Variants in SORCS3 observed in about 807,000 individuals in gnomAD.
SORCS3 encodes the protein VPS10 domain-containing receptor SorCS3.
Under a neutral mutation model 146.3 loss-of-function variants are expected in SORCS3, and 57 were observed. The observed-to-expected ratio is 0.39, with a 90% CI of 0.31 to 0.49. SORCS3 has a LOEUF of 0.49. Among genes scored for constraint, SORCS3 ranks in the 20% least tolerant of loss-of-function variants. SORCS3 has a pLI of 0.92. For synonymous variants in SORCS3, 653 were observed against 618.5 expected, an observed-to-expected ratio of 1.06 and a Z score of -0.83; for missense variants, 1,341 against 1,575.5, an observed-to-expected ratio of 0.85 and a Z score of 2.52.
chr10:104,653,926 A>G (rs533393363), intron 1 of SORCS3, among the ~76,000 whole-genome samples: 117 of 152,216 alleles, frequency 7.7e-4, no homozygotes, highest in Non-Finnish European at 1.5e-3. Flanking sequence ...TTTTGTACCC[A>G]TTAATAATCC....
intron 1 of SORCS3, among the ~76,000 whole-genome samples, chr10:104,688,775 T>A (rs998900472): frequency 1.3e-5 from 2 of 152,194 alleles, no homozygotes; most frequent in Non-Finnish European, 2.9e-5. Flanking sequence ...TACCTGCTGT[T>A]CCATACCCAC....
At chr10:104,928,126 G>A (rs2019167717) in intron 3 of SORCS3, among the ~76,000 whole-genome samples, 1 of 152,160 alleles carries the variant, frequency 6.6e-6, no homozygotes, top group Non-Finnish European at 1.5e-5. Flanking sequence ...AGAGAGAATA[G>A]GGTACGACTA....
chr10:105,235,279 T>C (rs1333971624), intron 20 of SORCS3, among the ~76,000 whole-genome samples: 1 of 152,126 alleles, frequency 6.6e-6, no homozygotes, highest in East Asian at 1.9e-4. Context: ...AGTGCTCTGA[T>C]GTGTATTTCA....
At chr10:104,847,139 T>A (rs1490098093) in intron 2 of SORCS3, among the ~76,000 whole-genome samples, 2 of 152,226 alleles carry the variant, frequency 1.3e-5, no homozygotes. Context: ...TTATGCCCTC[T>A]GCACTCGTGG....
intron 13 of SORCS3, among the ~76,000 whole-genome samples, 179 bp downstream of exon 13, chr10:105,167,528 C>T (rs1173037416): frequency 6.6e-6 from 1 of 151,976 alleles, no homozygotes; most frequent in Non-Finnish European, 1.5e-5. Context: ...AATAGTAGGC[C>T]AGATAATTCA....
chr10:104,821,735 C>A (rs76259360), intron 1 of SORCS3, among the ~76,000 whole-genome samples: 2,681 of 152,280 alleles, frequency 0.018, 94 homozygotes, highest in African/African-American at 0.058. Context: ...GCCTCTGTAC[C>A]ATGGGATTGG....
chr10:104,746,770 T>C (rs1166418002), intron 1 of SORCS3, among the ~76,000 whole-genome samples: 1 of 152,234 alleles, frequency 6.6e-6, no homozygotes, highest in Admixed American at 6.5e-5. Flanking sequence ...TATTTGTCTT[T>C]CTGTGCCTGG....
At chr10:105,198,049 C>T (rs1308737437) in intron 14 of SORCS3, among the ~76,000 whole-genome samples, 2 of 152,150 alleles carry the variant, frequency 1.3e-5, no homozygotes, top group East Asian at 1.9e-4. Flanking sequence ...GCACCTGGCT[C>T]ATATTTTCTC....
chr10:105,211,261 C>A lies in SORCS3; in HGVS notation c.2375+11C>A. 1 of 1,580,776 alleles carries A rather than the reference C, an allele frequency of 6.3e-7. No individual in the cohort carries two copies. The highest frequency in any genetic ancestry group is 8.7e-7 in the Non-Finnish European group (1 of 1,149,812). On this transcript the variant is annotated intron_variant, in intron 17 of 26. Coordinates refer to ENST00000369701, the MANE Select transcript of SORCS3 (RefSeq NM_014978.3). ...CCTTAACAGCACTGGGTAAGTAAAA[C>A]ACCTACAGGAACTCAGCTCCCTGTT...
At chr10:104,993,043 T>G (rs2055004039) in intron 4 of SORCS3, among the ~76,000 whole-genome samples, 1 of 152,080 alleles carries the variant, frequency 6.6e-6, no homozygotes, top group Admixed American at 6.6e-5. Flanking sequence ...AGAATCAAAA[T>G]TTTTGACTGC....
At chr10:105,051,985 G>A (rs1355083138) in intron 5 of SORCS3, among the ~76,000 whole-genome samples, 1 of 152,154 alleles carries the variant, frequency 6.6e-6, no homozygotes, top group African/African-American at 2.4e-5. Flanking sequence ...CTGTGGAAGA[G>A]CTGTCTTAAT....
At chr10:105,128,560 G>A (rs940809598) in intron 7 of SORCS3, among the ~76,000 whole-genome samples, 3 of 152,090 alleles carry the variant, frequency 2.0e-5, no homozygotes, top group African/African-American at 7.2e-5. Context: ...TCTCTAAGCA[G>A]CTATATTCAC....
chr10:104,788,383 G>A (rs1433447078), intron 1 of SORCS3, among the ~76,000 whole-genome samples: 1 of 152,124 alleles, frequency 6.6e-6, no homozygotes, highest in Non-Finnish European at 1.5e-5. Context: ...CCCCTGATCA[G>A]GACTGATCTC....
At chr10:105,078,209 C>A (rs183804775) in intron 5 of SORCS3, among the ~76,000 whole-genome samples, 1 of 152,256 alleles carries the variant, frequency 6.6e-6, no homozygotes, top group African/African-American at 2.4e-5. Flanking sequence ...GGACTCTTTT[C>A]AACATTTATC....
At chr10:104,809,061 C>T (rs192514245) in intron 1 of SORCS3, among the ~76,000 whole-genome samples, 36 of 152,298 alleles carry the variant, frequency 2.4e-4, no homozygotes, top group East Asian at 5.8e-4. Context: ...AGGATAGTTA[C>T]GCCATTCACA....
rs929111527 is a variant in SORCS3 at position 105,227,465 on chromosome 10, A to G, written c.2868+4216A>G. Among the ~76,000 whole-genome samples, 5 of 152,296 alleles carry G rather than the reference A, an allele frequency of 3.3e-5. No individual in the cohort carries two copies. In the East Asian group the frequency reaches 7.7e-4, roughly 23 times the overall value. ...GTTTAGACTTGTTTTGTGTCCTAAC[A>G]TATGGTCGATCTTGGAGAATGTTCC... On this transcript the variant is annotated intron_variant, in intron 20 of 26. Coordinates refer to ENST00000369701, the MANE Select transcript of SORCS3 (RefSeq NM_014978.3).
intron 20 of SORCS3, among the ~76,000 whole-genome samples, chr10:105,226,693 T>C (rs557239356): frequency 6.6e-6 from 1 of 152,126 alleles, no homozygotes; most frequent in South Asian, 2.1e-4. Flanking sequence ...TCATAGACTT[T>C]TCTTTTTTGG....
At chr10:104,684,021 A>G (rs1171984934) in intron 1 of SORCS3, among the ~76,000 whole-genome samples, 2 of 152,192 alleles carry the variant, frequency 1.3e-5, no homozygotes, top group African/African-American at 2.4e-5. Context: ...TTTACATGCT[A>G]TCACCTCCAC....
At chr10:104,896,500 A>G (rs2133586903) in intron 2 of SORCS3, among the ~76,000 whole-genome samples, 2 of 152,318 alleles carry the variant, frequency 1.3e-5, no homozygotes, top group South Asian at 4.1e-4. Context: ...GCAGATTTCG[A>G]TCTGAGGGAA....
Sources: gnomAD v4.1 joint callset for allele counts (sites outside exome capture counted in the v4.1 genomes callset) on GRCh38, gnomAD v4.1.1 for gene constraint, MANE v1.5 for transcripts, NCBI Gene and HGNC (gene_info 2026-07-23, HGNC 2026-07-21) for gene names.